The following VPS35 variants were observed in gnomAD, a reference collection of about 807,000 sequenced individuals.
The protein encoded by VPS35 is VPS35 retromer complex component, also known as vacuolar protein sorting-associated protein 35.
VPS35 carries 21 observed loss-of-function variants against 98.1 expected under a neutral mutation model. That is an observed-to-expected ratio of 0.21 (90% confidence interval 0.15 to 0.31). The LOEUF (loss-of-function observed/expected upper bound fraction) is 0.31. VPS35 is among the 10% of genes least tolerant of loss of function. The pLI is 1.00. For synonymous variants in VPS35, 268 were observed against 318.2 expected (o/e 0.84, Z 1.68); for missense variants, 554 against 950.8 (o/e 0.58, Z 5.49).
chr16:46,677,318 A>T lies in VPS35; in HGVS notation c.801T>A (p.Ile267=), dbSNP rs1484477921. 1 of 1,613,364 alleles carries T rather than the reference A, an allele frequency of 6.2e-7. No homozygotes were observed. Among genetic ancestry groups the T allele is most frequent in the African/African-American group, 1.3e-5 (1 of 74,916 alleles). ...LAQEYLMECI[I]QVFPDEFHLQ... ...AAAATGAAATGTTCCCAGCTACCTG[A>T]ATAATACACTCCATGAGATATTCTT... The change falls in exon 7 of 17, where the codon ATT becomes ATA. Residue 267 remains isoleucine (I), a synonymous_variant. Transcript: ENST00000299138.
chr16:46,662,575 G>A (rs890947445), intron 14 of VPS35, 93 bp from the exon 15 acceptor site: 1 of 1,579,148 alleles, frequency 6.3e-7, no homozygotes, highest in Non-Finnish European at 8.6e-7. Flanking sequence ...TCCATCCTGT[G>A]AGACTTCTGC....
Position 46,674,676 on chromosome 16 carries a change from A to C in VPS35, c.915-16T>G, listed in dbSNP as rs757051230. On this transcript the variant is annotated splice_polypyrimidine_tract_variant and intron_variant, in intron 8 of 16. Coordinates refer to ENST00000299138, the MANE Select transcript of VPS35 (RefSeq NM_018206.6). ...TAAAGCTAATCTAAAAAAAAAAAAA[A>C]CACCCCTTTATTTTAAAAGATACAG... 7.0e-5 allele frequency: 104 copies of C among 1,483,494 alleles called. 1 individual carries two copies. In the East Asian group the frequency reaches 1.3e-3, roughly 18 times the overall value. The allele number at this position is 1,483,494 out of a possible 1,614,324, so 91.9% of individuals were successfully genotyped here.
At chr16:46,689,032 G>T (rs1013051212) in intron 1 of VPS35, 99 bp downstream of exon 1, 2 of 1,563,022 alleles carry the variant, frequency 1.3e-6, no homozygotes, top group Non-Finnish European at 1.7e-6. Context: ...CGAACGGTCT[G>T]TGGGGCCCCT....
intron 1 of VPS35, chr16:46,688,209 A>T: frequency 1.6e-6 from 1 of 639,092 alleles, no homozygotes; most frequent in Non-Finnish European, 2.0e-6. Flanking sequence ...CTATCTACAC[A>T]GAGTGAGTAA....
rs748308902 is a variant in VPS35, at chr16:46,677,442, A to G, written c.721-44T>C. 5 of 1,543,060 alleles carry G rather than the reference A, an allele frequency of 3.2e-6. No individual in the cohort carries two copies. In the Admixed American group the frequency reaches 8.4e-5, roughly 26 times the overall value. ...ACATAAGGGTTAAAATCTGTTTTCA[A>G]AATCTTAAGCTATTCCTCTAGTAAC... On this transcript the variant is annotated intron_variant, in intron 6 of 16. Coordinates refer to ENST00000299138, the MANE Select transcript of VPS35 (RefSeq NM_018206.6).
intron 13 of VPS35, among the ~76,000 whole-genome samples, chr16:46,665,113 C>T (rs1965969612): frequency 6.6e-6 from 1 of 152,202 alleles, no homozygotes; most frequent in Non-Finnish European, 1.5e-5. Context: ...ATTCACACTG[C>T]CAACATTAGA....
chr16:46,679,244 T>C (rs1966195819), intron 5 of VPS35, 88 bp from the exon 6 acceptor site: 1 of 1,161,092 alleles, frequency 8.6e-7, no homozygotes, highest in Admixed American at 2.0e-5. Context: ...TACTTATCTC[T>C]ATAGTACACC....
chr16:46,681,334 G>A (rs1214556785), intron 4 of VPS35, 43 bp downstream of exon 4: 9 of 1,611,828 alleles, frequency 5.6e-6, no homozygotes, highest in Non-Finnish European at 5.9e-6. Flanking sequence ...AACATATAGT[G>A]AGAAATACAG....
At chr16:46,665,984 A>T (rs1596712682) in intron 13 of VPS35, among the ~76,000 whole-genome samples, 4 of 151,956 alleles carry the variant, frequency 2.6e-5, no homozygotes, top group Admixed American at 2.6e-4. Context: ...GCTTACTGCA[A>T]CCTCTGCCTC....
At chr16:46,660,987 T>C (rs1965906069) in intron 16 of VPS35, 2 of 372,220 alleles carry the variant, frequency 5.4e-6, no homozygotes, top group South Asian at 4.2e-5. Context: ...TCTCTAGTAA[T>C]AATACAAAAA....
intron 13 of VPS35, among the ~76,000 whole-genome samples, chr16:46,666,049 A>G (rs1410680920): frequency 2.6e-5 from 4 of 152,060 alleles, no homozygotes; most frequent in African/African-American, 9.6e-5. Flanking sequence ...GATTACAGGC[A>G]TGTGCCCTCA....
intron 5 of VPS35, 100 bp from the exon 6 acceptor site, chr16:46,679,256 A>G (rs1254851951): frequency 4.6e-6 from 5 of 1,075,962 alleles, no homozygotes; most frequent in Admixed American, 2.2e-5. Context: ...TAGTACACCA[A>G]TGCTTTATAA....
At chr16:46,673,879 GGATGGCTTTGAAT>G in intron 10 of VPS35, 1 of 187,648 alleles carries the variant, frequency 5.3e-6, no homozygotes, top group South Asian at 1.0e-4. Flanking sequence ...ATGCAGCCCA[GGATGGCTTTGAAT>G]GCGGCCCAAC....
intron 13 of VPS35, among the ~76,000 whole-genome samples, chr16:46,668,603 G>A (rs1246139411): frequency 1.3e-5 from 2 of 152,096 alleles, no homozygotes; most frequent in Non-Finnish European, 2.9e-5. Flanking sequence ...AGAGAGAAAC[G>A]ACTGCAATGC....
intron 2 of VPS35, 131 bp from the exon 3 acceptor site, chr16:46,682,306 C>A: frequency 1.3e-6 from 1 of 755,000 alleles, no homozygotes; most frequent in Admixed American, 2.4e-5. Context: ...TGATTTTAAC[C>A]ACATTAAAAA....
chr16:46,658,395 T>C lies in VPS35; in HGVS notation c.*2077A>G, dbSNP rs536731227. 1 of 153,768 alleles carries C rather than the reference T, an allele frequency of 6.5e-6. No homozygotes were observed. Among genetic ancestry groups the C allele is most frequent in the Non-Finnish European group, 1.5e-5 (1 of 68,044 alleles). The allele number at this position is 153,768 out of a possible 1,614,324, so 9.5% of individuals were successfully genotyped here. The stretch of plus-strand genomic sequence containing the variant: ...CCTTTAGATTCAGTGCCTAACTATA[T>C]CTGGTACCCAGTTTTTGTTCAACAA... On this transcript the variant is annotated 3_prime_UTR_variant, in exon 17 of 17. Transcript: ENST00000299138.
At position 46,681,594 on chromosome 16, in the gene VPS35, A is replaced by T. The variant is rs116338941; in HGVS notation, c.200-94T>A. 1.5e-3 allele frequency: 2,228 copies of T among 1,437,614 alleles called. 30 individuals are homozygous for T. The African/African-American group carries it at 0.028, about 18-fold the overall frequency. 89.1% of individuals were successfully genotyped at this position (1,437,614 alleles called of 1,614,324 possible). On this transcript the variant is annotated intron_variant, in intron 3 of 16. Coordinates refer to ENST00000299138, the MANE Select transcript of VPS35 (RefSeq NM_018206.6). The stretch of plus-strand genomic sequence containing the variant: ...AGTCATTACTAACTACTGGGCAGAC[A>T]TCTTAAGTTTTAGTCCTTTAAGAAA...
At chr16:46,688,682 C>T (rs144622564) in intron 1 of VPS35, 13 of 1,071,708 alleles carry the variant, frequency 1.2e-5, no homozygotes, top group Admixed American at 9.4e-5. Flanking sequence ...TGGGGACGGC[C>T]GAGCACAACT....
intron 12 of VPS35, among the ~76,000 whole-genome samples, chr16:46,670,866 G>C (rs946090610): frequency 3.9e-5 from 6 of 152,168 alleles, no homozygotes; most frequent in Non-Finnish European, 7.3e-5. Context: ...TCAACAGAAA[G>C]GGATGAGACA....
Sources: gnomAD v4.1 joint callset for allele counts (sites outside exome capture counted in the v4.1 genomes callset) on GRCh38, gnomAD v4.1.1 for gene constraint, MANE v1.5 for transcripts, NCBI Gene and HGNC (gene_info 2026-07-23, HGNC 2026-07-21) for gene names.